Variants in KCNN2 observed in about 807,000 individuals in gnomAD.
KCNN2 encodes the protein small conductance calcium-activated potassium channel protein 2.
KCNN2 carries 24 observed loss-of-function variants against 55.5 expected under a neutral mutation model. That is an observed-to-expected ratio of 0.43 (90% CI 0.31 to 0.61). KCNN2 has a LOEUF of 0.61. Ranked by LOEUF, KCNN2 falls within the 20% of genes least tolerant of loss-of-function variation. The pLI is 0.08. For synonymous variants in KCNN2, 431 were observed against 336.1 expected (o/e 1.28, Z -3.09); for missense variants, 754 against 853.6 (o/e 0.88, Z 1.45).
intron 5 of KCNN2, among the ~76,000 whole-genome samples, chr5:114,475,280 A>G (rs1450136733): frequency 6.6e-6 from 1 of 151,542 alleles, no homozygotes; most frequent in African/African-American, 2.4e-5. Flanking sequence ...TTTTGGCTGA[A>G]TAATTCTTTT....
intron 1 of KCNN2, among the ~76,000 whole-genome samples, chr5:114,080,861 C>T (rs772582583): frequency 1.1e-4 from 17 of 152,014 alleles, no homozygotes; most frequent in Non-Finnish European, 2.4e-4. Flanking sequence ...AAATAAAAGA[C>T]ATCCAAATAG....
intron 5 of KCNN2, among the ~76,000 whole-genome samples, chr5:114,479,056 CTTAAAT>C (rs1039712108): frequency 3.1e-4 from 47 of 150,770 alleles, no homozygotes; most frequent in African/African-American, 1.1e-3. Flanking sequence ...CAATAGTAAC[CTTAAAT>C]TTAAATAGGC....
intron 1 of KCNN2, among the ~76,000 whole-genome samples, chr5:114,174,237 T>C (rs529853263): frequency 6.6e-6 from 1 of 152,268 alleles, no homozygotes; most frequent in South Asian, 2.1e-4. Flanking sequence ...GTAGTTGTCA[T>C]GGCTTCATAA....
At chr5:114,452,415 A>G (rs1760733047) in intron 3 of KCNN2, among the ~76,000 whole-genome samples, 1 of 152,146 alleles carries the variant, frequency 6.6e-6, no homozygotes, top group African/African-American at 2.4e-5. Flanking sequence ...CAGCTTGCAT[A>G]TTACCTTACT....
intron 2 of KCNN2, among the ~76,000 whole-genome samples, chr5:114,281,448 C>T (rs909554899): frequency 6.6e-6 from 1 of 152,076 alleles, no homozygotes; most frequent in African/African-American, 2.4e-5. Context: ...TTGTGTTTCA[C>T]ATGATTATTT....
At chr5:114,411,338 A>G (rs144552949) in intron 3 of KCNN2, among the ~76,000 whole-genome samples, 10 of 152,240 alleles carry the variant, frequency 6.6e-5, no homozygotes, top group African/African-American at 2.4e-4. Flanking sequence ...AGCACAACCA[A>G]GAGGATATAG....
chr5:114,473,060 G>A lies in KCNN2; in HGVS notation c.1786G>A (p.Gly596Ser). 6.2e-7 allele frequency: 1 copy of A among 1,606,274 alleles called. No homozygotes were observed. The highest frequency in any genetic ancestry group is 8.5e-7 in the Non-Finnish European group (1 of 1,175,132). The change falls in exon 5 of 8, where the codon GGT becomes AGT. Residue 596 changes from glycine (G) to serine (S), a missense_variant. Physicochemically the swap from Gly to Ser is moderately conservative, Grantham distance 56. Coordinates refer to ENST00000673685, the MANE Select transcript of KCNN2 (RefSeq NM_021614.4). ...CTTCTCTCCTTGTTTTCAGGGTGCTGGTTGCACAGCCCTGGTGGTAGCTGT... is the reference window on the plus strand; with the variant it reads ...CTTCTCTCCTTGTTTTCAGGGTGCTAGTTGCACAGCCCTGGTGGTAGCTGT... ...VCLLTGIMGA[G>S]CTALVVAVVA...
chr5:114,260,972 C>T (rs900726354), intron 2 of KCNN2, among the ~76,000 whole-genome samples: 1 of 151,276 alleles, frequency 6.6e-6, no homozygotes, highest in Non-Finnish European at 1.5e-5. Flanking sequence ...GAACATGTGG[C>T]ATAAGTCTAC....
intron 2 of KCNN2, among the ~76,000 whole-genome samples, chr5:114,350,574 G>A (rs1261581284): frequency 6.6e-6 from 1 of 151,852 alleles, no homozygotes; most frequent in Non-Finnish European, 1.5e-5. Flanking sequence ...AATGCTTTGA[G>A]TTTTACAGTT....
chr5:114,101,421 T>C (rs1034957984), intron 1 of KCNN2, among the ~76,000 whole-genome samples: 1 of 150,966 alleles, frequency 6.6e-6, no homozygotes, highest in African/African-American at 2.4e-5. Flanking sequence ...TTTCTTTTTT[T>C]TTTTTTTCTT....
rs760659460 is a variant in KCNN2 at position 114,473,016 on chromosome 5, A to G, written c.1780-38A>G. The G allele has an allele frequency of 8.2e-6, 10 of 1,216,398 alleles. No individual in the cohort carries two copies. In the African/African-American group the frequency reaches 1.2e-4, roughly 15 times the overall value. The allele number at this position is 1,216,398 out of a possible 1,614,324, so 75.4% of individuals were successfully genotyped here. On this transcript the variant is annotated intron_variant, in intron 4 of 7. Transcript: ENST00000673685. ...AATGTGTCTGAGACAGAAAGTAGTT[A>G]GTAATGCTTTGGGTTTCTCTTCTCT...
chr5:114,061,938 A>G (rs1750340964), intron 1 of KCNN2, among the ~76,000 whole-genome samples: 1 of 152,244 alleles, frequency 6.6e-6, no homozygotes, highest in South Asian at 2.1e-4. Context: ...GAAAAAATAC[A>G]GGAATCACTT....
At chr5:114,222,989 C>G (rs1380087968) in intron 2 of KCNN2, among the ~76,000 whole-genome samples, 1 of 152,178 alleles carries the variant, frequency 6.6e-6, no homozygotes, top group Non-Finnish European at 1.5e-5. Flanking sequence ...CTATTGAGGT[C>G]TCTTCTGCTT....
chr5:114,364,124 C>A, intron 2 of KCNN2, 123 bp downstream of exon 2: 2 of 703,366 alleles, frequency 2.8e-6, no homozygotes, highest in South Asian at 3.4e-5. Context: ...AAGACACATG[C>A]TGTATTGTTA....
rs564217109 is a variant in KCNN2 at position 114,232,103 on chromosome 5, T to C, written c.-185+10538T>C. 3.3e-5 allele frequency among the ~76,000 whole-genome samples: 5 copies of C among 151,220 alleles called. No homozygotes were observed. In the South Asian group the frequency reaches 8.3e-4, roughly 25 times the overall value. On this transcript the variant is annotated intron_variant, in intron 2 of 10. Coordinates refer to the KCNN2 transcript ENST00000512097. Reference sequence around the variant, plus strand: ...AATTATGGGAATCCCAGTGTCCCTGTCCCACTGTTTGGGCCTGAGAATCTG... The same window carrying C: ...AATTATGGGAATCCCAGTGTCCCTGCCCCACTGTTTGGGCCTGAGAATCTG...
intron 2 of KCNN2, among the ~76,000 whole-genome samples, chr5:114,316,427 G>T (rs1298587001): frequency 6.6e-6 from 1 of 152,108 alleles, no homozygotes; most frequent in African/African-American, 2.4e-5. Flanking sequence ...CGCTAGACTA[G>T]CTTAACGCCC....
chr5:114,271,259 G>T (rs1438019352), intron 2 of KCNN2, among the ~76,000 whole-genome samples: 3 of 152,070 alleles, frequency 2.0e-5, no homozygotes, highest in Non-Finnish European at 2.9e-5. Context: ...AGTCAGAAAA[G>T]TTCTCCAGGT....
At chr5:114,198,255 T>G (rs1753598610) in intron 1 of KCNN2, among the ~76,000 whole-genome samples, 1 of 150,806 alleles carries the variant, frequency 6.6e-6, no homozygotes, top group African/African-American at 2.4e-5. Flanking sequence ...TATGGCTGAG[T>G]AGTATTCCAT....
chr5:114,198,036 A>G (rs1753594386), intron 1 of KCNN2, among the ~76,000 whole-genome samples: 2 of 151,990 alleles, frequency 1.3e-5, no homozygotes. Context: ...CGAGCTCCTT[A>G]TTTCTTCGTT....
Sources: allele counts gnomAD v4.1 joint callset (sites outside exome capture counted in the v4.1 genomes callset), GRCh38; gene constraint gnomAD v4.1.1; transcripts MANE v1.5; gene names NCBI Gene and HGNC (gene_info 2026-07-23, HGNC 2026-07-21).